ST7: variants seen among roughly 807,000 people sequenced by gnomAD.
ST7 encodes the protein suppressor of tumorigenicity 7 protein.
A neutral mutation model predicts 78.7 loss-of-function variants in ST7; 28 were observed. The observed-to-expected ratio is 0.36, with a 90% CI of 0.26 to 0.49. The LOEUF (loss-of-function observed/expected upper bound fraction) is 0.49. Ranked by LOEUF, ST7 falls within the 20% of genes least tolerant of loss-of-function variation. The probability of loss-of-function intolerance (pLI) is 0.99; values close to 1 mark genes in which losing one functional copy is unlikely to be tolerated. For missense variants in ST7, 418 were observed against 696.0 expected (o/e 0.60, Z 4.49); for synonymous variants, 247 against 249.6 (o/e 0.99, Z 0.10).
chr7:117,190,425 T>C lies in ST7; in HGVS notation c.1152-409T>C, dbSNP rs1258780317. On this transcript the variant is annotated intron_variant, in intron 11 of 15. Transcript: ENST00000323984. The surrounding 1 kb of genome is among the most constrained non-coding windows in gnomAD (Gnocchi z 5.2). ...TTTAACCTCCATCGCAGCACTGACATTGGGTGGGAGGCCTCCTTTCAAATC... is the reference window on the plus strand; with the variant it reads ...TTTAACCTCCATCGCAGCACTGACACTGGGTGGGAGGCCTCCTTTCAAATC... Among the ~76,000 whole-genome samples, 5 of 152,124 alleles carry C rather than the reference T, an allele frequency of 3.3e-5. No individual in the cohort carries two copies.
chr7:117,057,161 T>G (rs1798105414), intron 1 of ST7, among the ~76,000 whole-genome samples: 1 of 152,206 alleles, frequency 6.6e-6, no homozygotes, highest in Admixed American at 6.5e-5. Flanking sequence ...TGTGGCCAAT[T>G]TAAAGGTTTT....
At chr7:117,045,199 A>T (rs1034063980) in intron 1 of ST7, among the ~76,000 whole-genome samples, 9 of 152,052 alleles carry the variant, frequency 5.9e-5, no homozygotes, top group African/African-American at 1.9e-4. Context: ...TTTGCTTCCC[A>T]TCAGCCAGAG....
chr7:117,210,408 A>G (rs1792183830), intron 13 of ST7, among the ~76,000 whole-genome samples: 1 of 152,240 alleles, frequency 6.6e-6, no homozygotes, highest in Admixed American at 6.5e-5. Flanking sequence ...AACCAAGGAC[A>G]GTGGCCATTG....
rs535310876 is a variant in ST7, at chr7:116,987,745, A to G, written c.151+34054A>G. 1.4e-4 allele frequency among the ~76,000 whole-genome samples: 22 copies of G among 152,316 alleles called. No individual in the cohort carries two copies. In the South Asian group the frequency reaches 4.4e-3, roughly 30 times the overall value. On this transcript the variant is annotated intron_variant, in intron 1 of 15. Transcript: ENST00000323984. Reference sequence around the variant, plus strand: ...AATAAACCTTTTTTCTTCTTTTGACACGGAGTCTCACTCTGTTCCCCAGGC... The same window carrying G: ...AATAAACCTTTTTTCTTCTTTTGACGCGGAGTCTCACTCTGTTCCCCAGGC...
At chr7:117,076,265 G>A (rs1247645080) in intron 1 of ST7, among the ~76,000 whole-genome samples, 1 of 152,162 alleles carries the variant, frequency 6.6e-6, no homozygotes, top group Non-Finnish European at 1.5e-5. Context: ...AACAAAGGTG[G>A]TACAGAAACT....
chr7:117,131,053 A>G (rs540643607), intron 5 of ST7, among the ~76,000 whole-genome samples: 5 of 151,852 alleles, frequency 3.3e-5, no homozygotes, highest in South Asian at 4.2e-4. Context: ...GGCCTTGGCT[A>G]TTGGAGTCTA....
At chr7:117,157,613 A>G (rs1360732273) in intron 9 of ST7, among the ~76,000 whole-genome samples, 1 of 152,196 alleles carries the variant, frequency 6.6e-6, no homozygotes, top group Non-Finnish European at 1.5e-5. Flanking sequence ...AATCTACTGA[A>G]TAGAATTATT....
At chr7:117,217,005 T>C (rs1368165047) in intron 13 of ST7, among the ~76,000 whole-genome samples, 1 of 152,168 alleles carries the variant, frequency 6.6e-6, no homozygotes, top group Admixed American at 6.5e-5. Context: ...AAATTCTATA[T>C]GCATGCCAAA....
intron 10 of ST7, among the ~76,000 whole-genome samples, chr7:117,171,713 C>T (rs543882318): frequency 5.3e-5 from 8 of 152,070 alleles, no homozygotes; most frequent in Non-Finnish European, 7.4e-5. Flanking sequence ...TTACCTGCCA[C>T]GACATTGTTA....
chr7:117,138,362 T>G, intron 8 of ST7, 73 bp from the exon 9 acceptor site: 2 of 1,003,064 alleles, frequency 2.0e-6, no homozygotes, highest in Non-Finnish European at 2.9e-6. Flanking sequence ...AAAATTTCCT[T>G]TAGGGGCAAG....
At chr7:117,065,279 G>A (rs1798573572) in intron 1 of ST7, among the ~76,000 whole-genome samples, 1 of 138,144 alleles carries the variant, frequency 7.2e-6, no homozygotes, top group African/African-American at 2.7e-5. Context: ...CACGATCTCC[G>A]CTCACTGCAA....
chr7:117,061,995 A>G (rs1798382117), intron 1 of ST7, among the ~76,000 whole-genome samples: 4 of 152,192 alleles, frequency 2.6e-5, no homozygotes, highest in African/African-American at 2.4e-5. Flanking sequence ...TCTCACAGTT[A>G]TGAAGGTTGG....
At chr7:117,222,167 C>A (rs1793140956) in intron 15 of ST7, 105 bp downstream of exon 15, 5 of 1,269,662 alleles carry the variant, frequency 3.9e-6, no homozygotes, top group Non-Finnish European at 5.3e-6. Flanking sequence ...TGGGTACGAG[C>A]CTGCAAAGAT....
chr7:117,178,027 A>G (rs945549202), intron 10 of ST7, among the ~76,000 whole-genome samples: 7 of 152,186 alleles, frequency 4.6e-5, no homozygotes, highest in African/African-American at 1.7e-4. Flanking sequence ...CATGCTTCCA[A>G]GAGCATCTGT....
intron 1 of ST7, among the ~76,000 whole-genome samples, chr7:117,044,566 G>A (rs1159611606): frequency 2.6e-5 from 4 of 152,042 alleles, no homozygotes; most frequent in Non-Finnish European, 5.9e-5. Context: ...GTCCAGGCTG[G>A]TCTCGAACTC....
chr7:117,210,721 A>G (rs1271543702), intron 13 of ST7, among the ~76,000 whole-genome samples: 1 of 152,194 alleles, frequency 6.6e-6, no homozygotes, highest in Non-Finnish European at 1.5e-5. Flanking sequence ...ATAAGCAAGG[A>G]CACCATGTGA....
chr7:117,090,236 AACACACACACACACACAGACAC>A (rs1214112760), intron 1 of ST7, among the ~76,000 whole-genome samples: 3 of 139,840 alleles, frequency 2.1e-5, no homozygotes, highest in Non-Finnish European at 3.1e-5. Context: ...TAAGGATAGA[AACACACACACACACACAGACAC>A]ACACACACAC....
intron 9 of ST7, among the ~76,000 whole-genome samples, chr7:117,168,088 A>G (rs1051006776): frequency 6.6e-6 from 1 of 152,216 alleles, no homozygotes; most frequent in Non-Finnish European, 1.5e-5. Flanking sequence ...TAGATTTGCT[A>G]ATTGTCATAT....
In ST7 at chr7:116,973,618, C is replaced by G. The variant is rs142286356; in HGVS notation, c.151+19927C>G. 1.2e-3 allele frequency among the ~76,000 whole-genome samples: 176 copies of G among 152,304 alleles called. 1 individual carries two copies. Among genetic ancestry groups the G allele is most frequent in the Admixed American group, 2.0e-3 (30 of 15,300 alleles). On this transcript the variant is annotated intron_variant, in intron 1 of 15. Transcript: ENST00000323984. Reference sequence around the variant, plus strand: ...AAAGGTACTCCTACATCCCTTTCCCCACATGTTTTCTTTATTGGTAACCAT... The same window carrying G: ...AAAGGTACTCCTACATCCCTTTCCCGACATGTTTTCTTTATTGGTAACCAT...
Sources: allele counts gnomAD v4.1 joint callset (sites outside exome capture counted in the v4.1 genomes callset), GRCh38; gene constraint gnomAD v4.1.1; non-coding constraint Gnocchi (gnomAD v3.1); transcripts MANE v1.5; gene names NCBI Gene and HGNC (gene_info 2026-07-23, HGNC 2026-07-21).